CNTNAP2: variants seen among roughly 807,000 people sequenced by gnomAD.
CNTNAP2 encodes the protein contactin-associated protein-like 2.
A neutral mutation model predicts 155.2 loss-of-function variants in CNTNAP2; 98 were observed. That is an observed-to-expected ratio of 0.63 (90% CI 0.54 to 0.75). The LOEUF (loss-of-function observed/expected upper bound fraction) is 0.75. CNTNAP2 is among the 30% of genes least tolerant of loss of function. The pLI is 0.00. For missense variants in CNTNAP2, 1,727 were observed against 1,688.1 expected (o/e 1.02, Z -0.40); for synonymous variants, 651 against 631.2 (o/e 1.03, Z -0.47).
intron 15 of CNTNAP2, chr7:148,013,923 G>A (rs556521119): frequency 6.6e-6 from 1 of 152,214 alleles, no homozygotes; most frequent in South Asian, 2.1e-4. Flanking sequence ...GGTAGAGTTA[G>A]CTGATATAAT....
chr7:147,322,392 T>C (rs1266542452), intron 9 of CNTNAP2, among the ~76,000 whole-genome samples: 1 of 152,240 alleles, frequency 6.6e-6, no homozygotes, highest in Non-Finnish European at 1.5e-5. Context: ...AATTTGATTA[T>C]AGTTTGTGTG....
At chr7:147,222,983 G>C (rs963913780) in intron 8 of CNTNAP2, among the ~76,000 whole-genome samples, 1 of 152,058 alleles carries the variant, frequency 6.6e-6, no homozygotes, top group Admixed American at 6.5e-5. Context: ...AGAACACAGC[G>C]TTCTGGCATA....
intron 4 of CNTNAP2, among the ~76,000 whole-genome samples, chr7:147,076,640 G>T (rs1408349179): frequency 2.0e-5 from 3 of 152,136 alleles, no homozygotes; most frequent in Non-Finnish European, 2.9e-5. Flanking sequence ...GTGATGAAAA[G>T]TATATGAGTT....
At chr7:148,181,466 G>T (rs1795036999) in intron 18 of CNTNAP2, among the ~76,000 whole-genome samples, 1 of 152,156 alleles carries the variant, frequency 6.6e-6, no homozygotes, top group Non-Finnish European at 1.5e-5. Context: ...ACTTAATTCA[G>T]AAAAGTCAAA....
intron 12 of CNTNAP2, among the ~76,000 whole-genome samples, chr7:147,610,888 G>A (rs530726156): frequency 3.0e-4 from 46 of 152,108 alleles, no homozygotes; most frequent in Middle Eastern, 6.8e-3. Flanking sequence ...ACAGGTGCAC[G>A]TCATCATGCC....
At chr7:148,005,194 C>T (rs1467548603) in intron 15 of CNTNAP2, among the ~76,000 whole-genome samples, 1 of 152,174 alleles carries the variant, frequency 6.6e-6, no homozygotes, top group Non-Finnish European at 1.5e-5. Context: ...GGGCACTCGT[C>T]TCGGTAGCAG....
At chr7:147,235,335 T>C (rs1256769500) in intron 8 of CNTNAP2, among the ~76,000 whole-genome samples, 1 of 144,004 alleles carries the variant, frequency 6.9e-6, no homozygotes, top group Admixed American at 7.1e-5. Context: ...TTTATAGAGA[T>C]GGAGTTTTTG....
In CNTNAP2 at chr7:147,775,337, AAATATATATATT is replaced by A. The variant is rs1429997908; in HGVS notation, c.2099-128227_2099-128216del. Among the ~76,000 whole-genome samples, 23 of 50,218 alleles carry A rather than the reference AAATATATATATT, an allele frequency of 4.6e-4. 1 individual carries two copies. The highest frequency in any genetic ancestry group is 3.6e-3 in the African/African-American group (23 of 6,336). 32.9% of individuals were successfully genotyped at this position (50,218 alleles called of 152,430 possible). A position where few individuals can be genotyped will look rare whatever the true frequency, so the allele number is the denominator to read the frequency against. Reference sequence around the variant, plus strand: ...TATATATATATTTATATATATTTATAAATATATATATTTATATATATTTATAAATATATATAT... The same window carrying A: ...TATATATATATTTATATATATTTATATATATATATTTATAAATATATATAT... On this transcript the variant is annotated intron_variant, in intron 13 of 23. Coordinates refer to ENST00000361727, the MANE Select transcript of CNTNAP2 (RefSeq NM_014141.6).
chr7:147,350,469 A>C (rs1363360421), intron 9 of CNTNAP2, among the ~76,000 whole-genome samples: 2 of 151,910 alleles, frequency 1.3e-5, no homozygotes, highest in African/African-American at 4.8e-5. Flanking sequence ...ATGATTCTTT[A>C]ATAAAATTGA....
intron 9 of CNTNAP2, among the ~76,000 whole-genome samples, chr7:147,326,977 G>T (rs1795472922): frequency 6.6e-6 from 1 of 152,124 alleles, no homozygotes; most frequent in South Asian, 2.1e-4. Context: ...ATAAATACAA[G>T]AATGTATGAC....
chr7:147,708,002 C>T (rs1033754442), intron 13 of CNTNAP2, among the ~76,000 whole-genome samples: 2 of 151,974 alleles, frequency 1.3e-5, no homozygotes, highest in Admixed American at 1.3e-4. Context: ...GGGAGAGAGC[C>T]AGGACTGGTG....
At chr7:148,364,690 G>A (rs1323127424) in intron 21 of CNTNAP2, among the ~76,000 whole-genome samples, 1 of 152,200 alleles carries the variant, frequency 6.6e-6, no homozygotes, top group African/African-American at 2.4e-5. Context: ...CTCAGGGATT[G>A]TAAACGCACC....
chr7:147,023,094 T>C (rs1205626864), intron 3 of CNTNAP2, among the ~76,000 whole-genome samples: 1 of 152,156 alleles, frequency 6.6e-6, no homozygotes, highest in Non-Finnish European at 1.5e-5. Context: ...AACATTTGCA[T>C]AAAAGATTGA....
At position 147,554,373 on chromosome 7, in the gene CNTNAP2, ATT is replaced by A. The variant is rs58354911; in HGVS notation, c.1778-7755_1778-7754del. On this transcript the variant is annotated intron_variant, in intron 11 of 23. Coordinates refer to ENST00000361727, the MANE Select transcript of CNTNAP2 (RefSeq NM_014141.6). ...GACTGGCATTGCAATAGTATGGATT[ATT>A]TTTTTTTTTCTTTGAAACAGTGCCT... Among the ~76,000 whole-genome samples, 538 of 148,426 alleles carry A rather than the reference ATT, an allele frequency of 3.6e-3. 7 individuals are homozygous for A. The highest frequency in any genetic ancestry group is 0.012 in the African/African-American group (503 of 40,692).
intron 8 of CNTNAP2, among the ~76,000 whole-genome samples, chr7:147,163,206 T>C (rs1802060353): frequency 6.6e-6 from 1 of 151,982 alleles, no homozygotes; most frequent in African/African-American, 2.4e-5. Context: ...GGACAATGAG[T>C]CTCATGTCAG....
At chr7:147,425,701 A>G (rs1359231096) in intron 10 of CNTNAP2, among the ~76,000 whole-genome samples, 1 of 152,146 alleles carries the variant, frequency 6.6e-6, no homozygotes, top group African/African-American at 2.4e-5. Flanking sequence ...TCCTTCGTCC[A>G]TATACCCAAG....
At chr7:146,314,813 C>A (rs1800881719) in intron 1 of CNTNAP2, among the ~76,000 whole-genome samples, 1 of 152,130 alleles carries the variant, frequency 6.6e-6, no homozygotes. Flanking sequence ...TCAGAAGACG[C>A]CCTCCCTCAT....
chr7:147,370,284 T>C (rs1255457391), intron 9 of CNTNAP2, among the ~76,000 whole-genome samples: 1 of 152,232 alleles, frequency 6.6e-6, no homozygotes, highest in African/African-American at 2.4e-5. Flanking sequence ...CGTGCATCTG[T>C]ATTTGATAAA....
chr7:147,744,579 T>C (rs534899057), intron 13 of CNTNAP2, among the ~76,000 whole-genome samples: 1 of 152,350 alleles, frequency 6.6e-6, no homozygotes, highest in Admixed American at 6.5e-5. Flanking sequence ...AGGGTTTCCA[T>C]AATAAAATAA....
Sources: gnomAD v4.1 joint callset for allele counts (sites outside exome capture counted in the v4.1 genomes callset) on GRCh38, gnomAD v4.1.1 for gene constraint, MANE v1.5 for transcripts, NCBI Gene and HGNC (gene_info 2026-07-23, HGNC 2026-07-21) for gene names.